CD22: variants seen among roughly 807,000 people sequenced by gnomAD.
The protein encoded by CD22 is B-cell receptor CD22.
Under a neutral mutation model 94.7 loss-of-function variants are expected in CD22, and 51 were observed. The ratio of observed to expected loss-of-function variants is 0.54; its 90% CI spans 0.43 to 0.68. The LOEUF is 0.68. CD22 is among the 30% of genes least tolerant of loss of function. The pLI is 0.00. For missense variants in CD22, 931 were observed against 1,060.4 expected, an observed-to-expected ratio of 0.88 and a Z score of 1.69; for synonymous variants, 424 against 422.5, an observed-to-expected ratio of 1.00 and a Z score of -0.04.
In CD22 at chr19:35,340,985, A is replaced by G. The variant is rs769987261; in HGVS notation, c.1354A>G (p.Thr452Ala). 42 of 1,614,006 alleles carry G rather than the reference A, an allele frequency of 2.6e-5. 2 individuals are homozygous for G. In the South Asian group the frequency reaches 4.5e-4, roughly 17 times the overall value. Residue 452 changes from threonine to alanine, a missense_variant, in exon 7 of 14, where the codon ACC becomes GCC. Transcript: ENST00000085219. The part of the protein sequence containing the change: ...CNYNSSNPSV[T>A]RYEWKPHGAW... The stretch of plus-strand genomic sequence containing the variant: ...CTACAATTCCAGTAACCCCAGTGTT[A>G]CCCGGTATGAATGGAAACCCCATGG...
intron 6 of CD22, among the ~76,000 whole-genome samples, chr19:35,338,876 G>C (rs1034397746): frequency 2.0e-5 from 3 of 151,754 alleles, no homozygotes; most frequent in East Asian, 4.1e-4. Context: ...TGATCCACCC[G>C]CCTCGGCCTC....
Position 35,345,696 on chromosome 19 carries a change from C to T in CD22, c.2303C>T (p.Pro768Leu). Residue 768 changes from proline (P) to leucine (L), a missense_variant, in exon 12 of 14, where the codon CCC (proline) becomes CTC (leucine). Physicochemically the swap from Pro to Leu is moderately conservative, Grantham distance 98. Transcript: ENST00000085219. ...ATTAGCTACACCACCCTGCGCTTTC[C>T]CGAGATGAACATACCACGAACTGGG... ...DGISYTTLRF[P>L]EMNIPRTGDA... The T allele has an allele frequency of 6.2e-7, 1 of 1,613,014 alleles. No homozygotes were observed. Among genetic ancestry groups the T allele is most frequent in the East Asian group, 2.2e-5 (1 of 44,878 alleles).
At chr19:35,346,078 T>C in intron 12 of CD22, 73 bp from the exon 13 acceptor site, 1 of 1,161,318 alleles carries the variant, frequency 8.6e-7, no homozygotes, top group Admixed American at 1.7e-5. Flanking sequence ...TGTTGGGGGC[T>C]CTGGGTGTTG....
chr19:35,346,840 ACTGC>A lies in CD22; in HGVS notation c.*144_*147del. 1.2e-6 allele frequency: 1 copy of A among 815,058 alleles called. No individual in the cohort carries two copies. The highest frequency in any genetic ancestry group is 1.9e-6 in the Non-Finnish European group (1 of 540,202). 50.5% of individuals were successfully genotyped at this position (815,058 alleles called of 1,614,324 possible). The stretch of plus-strand genomic sequence containing the variant: ...CACGCACACACACACACACACACTC[ACTGC>A]GGAGAACCTTGTGCCTGGCTCAGAG... On this transcript the variant is annotated 3_prime_UTR_variant, in exon 14 of 14. Coordinates refer to ENST00000085219, the MANE Select transcript of CD22 (RefSeq NM_001771.4).
intron 6 of CD22, among the ~76,000 whole-genome samples, chr19:35,339,045 G>A (rs2066767911): frequency 6.6e-6 from 1 of 151,874 alleles, no homozygotes; most frequent in African/African-American, 2.4e-5. Context: ...AACCAGCCTG[G>A]GCCACACAGC....
intron 3 of CD22, among the ~76,000 whole-genome samples, chr19:35,335,159 A>G (rs2145653868): frequency 6.6e-6 from 1 of 152,002 alleles, no homozygotes. Context: ...ACATCCGGCA[A>G]TGAGCATGAA....
In CD22 at chr19:35,340,962, A is replaced by T. The variant is rs1316681543; in HGVS notation, c.1331A>T (p.Tyr444Phe). 1.2e-6 allele frequency: 2 copies of T among 1,614,212 alleles called. No homozygotes were observed. The highest frequency in any genetic ancestry group is 3.3e-5 in the Admixed American group (2 of 60,020). The change falls in exon 7 of 14, where the codon TAC becomes TTC. Residue 444 changes from tyrosine (Y) to phenylalanine (F), a missense_variant. Transcript: ENST00000085219. ...EGDTVTLSCN[Y>F]NSSNPSVTRY... ...GACACAGTGACCCTTTCCTGTAACT[A>T]CAATTCCAGTAACCCCAGTGTTACC...
chr19:35,344,899 A>C lies in CD22; in HGVS notation c.2106A>C (p.Ala702=). Residue 702 remains alanine, a synonymous_variant, in exon 10 of 14, where the codon GCA becomes GCC. Coordinates refer to ENST00000085219, the MANE Select transcript of CD22 (RefSeq NM_001771.4). ...LGSCLAILIL[A]ICGLKLQRRW... ...CCTGCCTCGCCATCCTCATCCTGGC[A>C]ATCTGTGGGCTCAAGCTCCAGCGAC... The C allele has an allele frequency of 6.2e-7, 1 of 1,613,984 alleles. No individual in the cohort carries two copies. Among genetic ancestry groups the C allele is most frequent in the Non-Finnish European group, 8.5e-7 (1 of 1,179,934 alleles).
rs1439941453 is a variant in CD22 at position 35,337,829 on chromosome 19, T to A, written c.793T>A (p.Cys265Ser). The A allele has an allele frequency of 1.2e-6, 2 of 1,613,874 alleles. No homozygotes were observed. Among genetic ancestry groups the A allele is most frequent in the Non-Finnish European group, 8.5e-7 (1 of 1,179,816 alleles). Reference sequence around the variant, plus strand: ...GGAGGGGGACTCTGTGACCATGACCTGCGAGGTCAGCAGCAGCAACCCGGA... The same window carrying A: ...GGAGGGGGACTCTGTGACCATGACCAGCGAGGTCAGCAGCAGCAACCCGGA... ...VREGDSVTMTCEVSSSNPEYT... is the reference protein window; with the variant it reads ...VREGDSVTMTSEVSSSNPEYT... The change falls in exon 5 of 14, where the codon TGC (cysteine) becomes AGC (serine). Residue 265 changes from cysteine (C) to serine (S), a missense_variant. Cys to Ser is a moderately radical substitution (Grantham distance 112). Coordinates refer to ENST00000085219, the MANE Select transcript of CD22 (RefSeq NM_001771.4). This position sits in a 1 kb window ranked among gnomAD's most constrained non-coding sequence, Gnocchi z 4.4.
At chr19:35,343,018 T>C (rs369346454) in intron 9 of CD22, among the ~76,000 whole-genome samples, 2 of 151,940 alleles carry the variant, frequency 1.3e-5, no homozygotes, top group Admixed American at 1.3e-4. Context: ...CACCGTGGTC[T>C]CAGTCTCCTG....
Position 35,336,310 on chromosome 19 carries a change from C to A in CD22, c.687C>A (p.Leu229=). 6.2e-7 allele frequency: 1 copy of A among 1,614,196 alleles called. No homozygotes were observed. The highest frequency in any genetic ancestry group is 8.5e-7 in the Non-Finnish European group (1 of 1,180,028). The change falls in exon 4 of 14, where the codon CTC becomes CTA. Residue 229 remains leucine, a synonymous_variant. Coordinates refer to ENST00000085219, the MANE Select transcript of CD22 (RefSeq NM_001771.4). The stretch of plus-strand genomic sequence containing the variant: ...TTCAGGATGCAGATGGGAAGTTCCT[C>A]TCCAATGACACGGTGCAGCTGAACG... ...CQLQDADGKF[L]SNDTVQLNVK...
Position 35,341,302 on chromosome 19 carries a change from A to T in CD22, c.1508-41A>T. 6.2e-7 allele frequency: 1 copy of T among 1,604,684 alleles called. No individual in the cohort carries two copies. Among genetic ancestry groups the T allele is most frequent in the Non-Finnish European group, 8.5e-7 (1 of 1,174,062 alleles). On this transcript the variant is annotated intron_variant, in intron 7 of 13. Coordinates refer to ENST00000085219, the MANE Select transcript of CD22 (RefSeq NM_001771.4). This position sits in a 1 kb window ranked among gnomAD's most constrained non-coding sequence, Gnocchi z 4.0. ...GGGAGGCCTGGGGACAGCAAAAGGG[A>T]CAGGGAGCGGAGAGGTCAGCTTGGG...
At chr19:35,346,122 C>A in intron 12 of CD22, 29 bp from the exon 13 acceptor site, 1 of 1,549,360 alleles carries the variant, frequency 6.5e-7, no homozygotes, top group Non-Finnish European at 8.9e-7. Flanking sequence ...ATGCTTCATG[C>A]GTGGTCGTCT....
At chr19:35,335,452 G>A (rs2066707962) in intron 3 of CD22, among the ~76,000 whole-genome samples, 1 of 152,174 alleles carries the variant, frequency 6.6e-6, no homozygotes, top group Non-Finnish European at 1.5e-5. Context: ...AGTTACTCAG[G>A]GGGCTGAGGT....
At chr19:35,334,581 G>A (rs576916251) in intron 3 of CD22, among the ~76,000 whole-genome samples, 1 of 152,264 alleles carries the variant, frequency 6.6e-6, no homozygotes, top group East Asian at 1.9e-4. Context: ...CCTTAAATTT[G>A]GGGTGAGCAA....
In CD22 at chr19:35,345,703, G is replaced by T; in HGVS notation, c.2310G>T (p.Met770Ile). ...ISYTTLRFPE[M>I]NIPRTGDAES... Reference sequence around the variant, plus strand: ...ACACCACCCTGCGCTTTCCCGAGATGAACATACCACGAACTGGGTACTGAG... The same window carrying T: ...ACACCACCCTGCGCTTTCCCGAGATTAACATACCACGAACTGGGTACTGAG... Residue 770 changes from methionine (M) to isoleucine (I), a missense_variant, in exon 12 of 14, where the codon ATG becomes ATT. By Grantham distance (10) the Met-to-Ile change is conservative. Transcript: ENST00000085219. 6.2e-7 allele frequency: 1 copy of T among 1,611,662 alleles called. No homozygotes were observed. Among genetic ancestry groups the T allele is most frequent in the Non-Finnish European group, 8.5e-7 (1 of 1,177,708 alleles).
At chr19:35,333,058 A>G (rs2066668164) in intron 3 of CD22, 134 bp downstream of exon 3, 2 of 870,628 alleles carry the variant, frequency 2.3e-6, no homozygotes, top group Admixed American at 5.3e-5. Context: ...GCGGATGACG[A>G]TGGCGATGCA....
intron 9 of CD22, among the ~76,000 whole-genome samples, chr19:35,342,335 AAT>A (rs2066828425): frequency 6.6e-6 from 1 of 151,830 alleles, no homozygotes; most frequent in Non-Finnish European, 1.5e-5. Context: ...ACATCCGGCT[AAT>A]TTTTACATTT....
chr19:35,329,223 G>A lies in CD22; in HGVS notation c.-30G>A, dbSNP rs746520563. The A allele has an allele frequency of 2.8e-5, 36 of 1,289,426 alleles. No individual in the cohort carries two copies. Among genetic ancestry groups the A allele is most frequent in the African/African-American group, 1.7e-4 (11 of 65,946 alleles). 79.9% of individuals were successfully genotyped at this position (1,289,426 alleles called of 1,614,324 possible). ...GGGTCCCTGAAGAGGGAAGACACGCGGAAACAGGTAAAAATCATTTTGCTT... is the reference window on the plus strand; with the variant it reads ...GGGTCCCTGAAGAGGGAAGACACGCAGAAACAGGTAAAAATCATTTTGCTT... On this transcript the variant is annotated 5_prime_UTR_variant, in exon 1 of 14. Coordinates refer to ENST00000085219, the MANE Select transcript of CD22 (RefSeq NM_001771.4).
Sources: allele counts gnomAD v4.1 joint callset (sites outside exome capture counted in the v4.1 genomes callset), GRCh38; gene constraint gnomAD v4.1.1; non-coding constraint Gnocchi (gnomAD v3.1); transcripts MANE v1.5; gene names NCBI Gene and HGNC (gene_info 2026-07-23, HGNC 2026-07-21).